Variants in CCSER1 observed in about 807,000 individuals in gnomAD.
The protein encoded by CCSER1 is coiled-coil serine rich protein 1, also known as serine-rich coiled-coil domain-containing protein 1.
CCSER1 carries 41 observed loss-of-function variants against 82.0 expected under a neutral mutation model. The observed-to-expected ratio is 0.50, with a 90% CI of 0.39 to 0.65. The LOEUF (loss-of-function observed/expected upper bound fraction) is 0.65. Ranked by LOEUF, CCSER1 falls within the 30% of genes least tolerant of loss-of-function variation. The pLI is 0.00. For missense variants in CCSER1, 1,119 were observed against 1,064.2 expected (o/e 1.05, Z -0.72); for synonymous variants, 414 against 383.9 (o/e 1.08, Z -0.92).
intron 1 of CCSER1, among the ~76,000 whole-genome samples, chr4:90,260,020 T>G (rs12507926): frequency 6.6e-6 from 1 of 152,194 alleles, no homozygotes; most frequent in Admixed American, 6.5e-5. Flanking sequence ...TCTTTTGGAA[T>G]AATTTCAGTA....
intron 9 of CCSER1, among the ~76,000 whole-genome samples, chr4:91,007,866 T>C (rs2150493962): frequency 6.6e-6 from 1 of 152,212 alleles, no homozygotes; most frequent in East Asian, 1.9e-4. Flanking sequence ...TTTTTTGACA[T>C]TGATGCTTGT....
At chr4:90,239,245 A>C (rs80013806) in intron 1 of CCSER1, among the ~76,000 whole-genome samples, 6,163 of 152,284 alleles carry the variant, frequency 0.04, 330 homozygotes, top group African/African-American at 0.12. Flanking sequence ...ATAAACATAC[A>C]TCCCATAGGA....
At chr4:91,116,385 A>G (rs1224937084) in intron 10 of CCSER1, among the ~76,000 whole-genome samples, 1 of 152,176 alleles carries the variant, frequency 6.6e-6, no homozygotes, top group Non-Finnish European at 1.5e-5. Context: ...AAAGAGTAAC[A>G]GGAGAGCCTA....
At chr4:90,248,581 C>T (rs1209197419) in intron 1 of CCSER1, among the ~76,000 whole-genome samples, 1 of 151,930 alleles carries the variant, frequency 6.6e-6, no homozygotes, top group Admixed American at 6.6e-5. Flanking sequence ...CCATTAAATA[C>T]CCTGTAACTC....
intron 5 of CCSER1, among the ~76,000 whole-genome samples, chr4:90,569,061 C>CT (rs1779790496): frequency 6.6e-6 from 1 of 152,034 alleles, no homozygotes; most frequent in African/African-American, 2.4e-5. Flanking sequence ...CTCTTGCTTT[C>CT]TTTTTTGTGG....
At chr4:90,851,437 AGAGGC>A (rs1763871825) in intron 8 of CCSER1, among the ~76,000 whole-genome samples, 1 of 119,184 alleles carries the variant, frequency 8.4e-6, no homozygotes, top group Non-Finnish European at 1.6e-5. Flanking sequence ...ATTCTGTGAC[AGAGGC>A]TGCCTGAAGT....
chr4:91,493,564 C>G, intron 10 of CCSER1, among the ~76,000 whole-genome samples: 1 of 151,386 alleles, frequency 6.6e-6, no homozygotes, highest in Non-Finnish European at 1.5e-5. Flanking sequence ...TTTTGTTTTT[C>G]TTAGGAATTA....
chr4:90,719,228 C>A (rs374144987), intron 6 of CCSER1, among the ~76,000 whole-genome samples: 14 of 152,068 alleles, frequency 9.2e-5, no homozygotes, highest in African/African-American at 2.9e-4. Context: ...AGCGCTAACC[C>A]TAGTGTGAAC....
At chr4:90,807,319 A>T (rs768702406) in intron 7 of CCSER1, among the ~76,000 whole-genome samples, 1 of 152,208 alleles carries the variant, frequency 6.6e-6, no homozygotes, top group Non-Finnish European at 1.5e-5. Context: ...ATAAGTATTA[A>T]AAATGAGTAT....
chr4:90,880,889 T>C (rs1253245976), intron 8 of CCSER1, among the ~76,000 whole-genome samples: 1 of 151,958 alleles, frequency 6.6e-6, no homozygotes, highest in East Asian at 1.9e-4. Flanking sequence ...TTTTCTCCAT[T>C]CTCCATGGGT....
At chr4:90,560,141 T>G (rs576692905) in intron 5 of CCSER1, among the ~76,000 whole-genome samples, 1 of 152,172 alleles carries the variant, frequency 6.6e-6, no homozygotes, top group Admixed American at 6.5e-5. Context: ...CAGAGGCTAG[T>G]TATGTTTTAT....
chr4:90,414,400 A>G (rs75009046), intron 4 of CCSER1, among the ~76,000 whole-genome samples: 2,704 of 152,134 alleles, frequency 0.018, 48 homozygotes, highest in African/African-American at 0.036. Flanking sequence ...ACACAGGATT[A>G]TAAGTTTTTT....
intron 5 of CCSER1, among the ~76,000 whole-genome samples, chr4:90,488,313 G>A (rs1240275278): frequency 2.6e-5 from 4 of 151,852 alleles, no homozygotes; most frequent in African/African-American, 4.8e-5. Flanking sequence ...TCAGCCTCCC[G>A]AGTAGCTGGG....
At chr4:90,475,134 T>C (rs1764882492) in intron 5 of CCSER1, among the ~76,000 whole-genome samples, 1 of 152,218 alleles carries the variant, frequency 6.6e-6, no homozygotes, top group African/African-American at 2.4e-5. Flanking sequence ...ATGTCCACAA[T>C]ATAAGTAAAT....
At chr4:91,218,338 G>C (rs910732479) in intron 10 of CCSER1, among the ~76,000 whole-genome samples, 1 of 152,182 alleles carries the variant, frequency 6.6e-6, no homozygotes, top group African/African-American at 2.4e-5. Context: ...CCCGGTTCCT[G>C]CTCGTGCCTC....
chr4:90,323,655 T>C (rs2153489057), intron 3 of CCSER1, among the ~76,000 whole-genome samples: 1 of 152,184 alleles, frequency 6.6e-6, no homozygotes, highest in African/African-American at 2.4e-5. Context: ...GTGTCTTTCC[T>C]ATCCTCTTTT....
At chr4:91,106,019 C>T (rs561635588) in intron 10 of CCSER1, among the ~76,000 whole-genome samples, 1 of 152,134 alleles carries the variant, frequency 6.6e-6, no homozygotes, top group South Asian at 2.1e-4. Flanking sequence ...ATCTGATAAT[C>T]AAAGTAATTC....
intron 10 of CCSER1, among the ~76,000 whole-genome samples, chr4:91,255,227 A>G (rs1740593676): frequency 6.6e-6 from 1 of 152,154 alleles, no homozygotes; most frequent in Admixed American, 6.5e-5. Context: ...AGCCTTTACC[A>G]TTTATTTTTC....
chr4:91,114,220 C>T (rs185126518), intron 10 of CCSER1, among the ~76,000 whole-genome samples: 290 of 152,286 alleles, frequency 1.9e-3, no homozygotes, highest in Non-Finnish European at 3.4e-3. Context: ...ACACTACCTC[C>T]AAGCAGCTTA....
Sources: gnomAD v4.1 joint callset for allele counts (sites outside exome capture counted in the v4.1 genomes callset) on GRCh38, gnomAD v4.1.1 for gene constraint, MANE v1.5 for transcripts, NCBI Gene and HGNC (gene_info 2026-07-23, HGNC 2026-07-21) for gene names.